Variants in GPAT4 observed in about 807,000 individuals in gnomAD.
GPAT4 encodes the protein 1-AGP acyltransferase 6.
Under a neutral mutation model 58.0 loss-of-function variants are expected in GPAT4, and 17 were observed. That is an observed-to-expected ratio of 0.29 (90% CI 0.20 to 0.44). GPAT4 has a LOEUF of 0.44. Among genes scored for constraint, GPAT4 ranks in the 20% least tolerant of loss-of-function variants. The pLI, the probability that GPAT4 is intolerant of heterozygous loss-of-function variation, is 1.00. For missense variants in GPAT4, 377 were observed against 574.5 expected (o/e 0.66, Z 3.51); for synonymous variants, 204 against 210.1 (o/e 0.97, Z 0.25).
intron 12 of GPAT4, 23 bp downstream of exon 12, chr8:41,619,000 T>C (rs1169491576): frequency 6.2e-7 from 1 of 1,613,528 alleles, no homozygotes; most frequent in East Asian, 2.2e-5. Flanking sequence ...CCAGGCCTTT[T>C]CAGCTGAGTT....
chr8:41,611,471 A>G (rs1368939724), intron 5 of GPAT4, among the ~76,000 whole-genome samples: 3 of 152,218 alleles, frequency 2.0e-5, no homozygotes, highest in South Asian at 2.1e-4. Context: ...AGTTTTTAAA[A>G]TGGTTTGAAA....
At position 41,624,833 on chromosome 8, in the gene GPAT4, G is replaced by A. The variant is rs1034378668; in HGVS notation, c.*3832G>A. ...CCTGGCGTGTGTTGCGGGGGTGATT[G>A]CGCTGGCTGCCGGGGGGTGGGCTTC... On this transcript the variant is annotated 3_prime_UTR_variant, in exon 13 of 13. Transcript: ENST00000396987. 1 of 152,166 alleles carries A rather than the reference G, an allele frequency of 6.6e-6. No homozygotes were observed. Among genetic ancestry groups the A allele is most frequent in the Admixed American group, 6.5e-5 (1 of 15,282 alleles). 9.4% of individuals were successfully genotyped at this position (152,166 alleles called of 1,614,324 possible).
intron 1 of GPAT4, among the ~76,000 whole-genome samples, chr8:41,597,740 G>C (rs892871001): frequency 6.6e-6 from 1 of 152,212 alleles, no homozygotes; most frequent in Non-Finnish European, 1.5e-5. Flanking sequence ...GCAGAGTGAA[G>C]GAGCTCTATG....
chr8:41,612,414 T>A, intron 7 of GPAT4, 141 bp downstream of exon 7: 1 of 813,294 alleles, frequency 1.2e-6, no homozygotes, highest in Non-Finnish European at 1.9e-6. Context: ...GGGGGCTCTG[T>A]GGGACTGTGA....
chr8:41,623,666 T>C lies in GPAT4; in HGVS notation c.*2665T>C, dbSNP rs886086824. On this transcript the variant is annotated 3_prime_UTR_variant, in exon 13 of 13. Transcript: ENST00000396987. ...GGAAGTCAGCTTTGAATCCATTGCT[T>C]CTCTAAAACATCAGGGCTAGTGGAA... is the stretch of plus-strand genomic sequence containing the variant. The C allele has an allele frequency of 2.6e-5, 4 of 152,208 alleles. No homozygotes were observed. Among genetic ancestry groups the C allele is most frequent in the Non-Finnish European group, 5.9e-5 (4 of 68,056 alleles). 9.4% of individuals were successfully genotyped at this position (152,208 alleles called of 1,614,324 possible). A position where few individuals can be genotyped will look rare whatever the true frequency, so the allele number is the denominator to read the frequency against.
intron 4 of GPAT4, chr8:41,610,183 T>G: frequency 7.3e-7 from 1 of 1,378,666 alleles, no homozygotes; most frequent in Non-Finnish European, 9.4e-7. Context: ...GACAGCTTGC[T>G]TCTCTAGATG....
At chr8:41,583,246 T>C (rs1802570185) in intron 1 of GPAT4, among the ~76,000 whole-genome samples, 1 of 151,762 alleles carries the variant, frequency 6.6e-6, no homozygotes, top group South Asian at 2.1e-4. Context: ...TATATATATA[T>C]GTACAAGAAA....
intron 1 of GPAT4, among the ~76,000 whole-genome samples, chr8:41,589,007 A>T (rs1490693617): frequency 6.6e-6 from 1 of 152,206 alleles, no homozygotes; most frequent in Non-Finnish European, 1.5e-5. Context: ...CCCAGCTCAC[A>T]TTCTTAAGGG....
At chr8:41,599,734 G>A (rs1280162454) in intron 2 of GPAT4, among the ~76,000 whole-genome samples, 1 of 152,176 alleles carries the variant, frequency 6.6e-6, no homozygotes, top group African/African-American at 2.4e-5. Context: ...ACAGAAAAGG[G>A]CATTTGAATT....
In GPAT4 at chr8:41,609,646, C is replaced by G. The variant is rs1315002359; in HGVS notation, c.236-9C>G. On this transcript the variant is annotated splice_polypyrimidine_tract_variant and intron_variant, in intron 3 of 12. Transcript: ENST00000396987. ...GCGTGCTGCTTGACAGGGACACATT[C>G]TTTTGCAGGAATCATTGCAAAGGAT... 6.2e-7 allele frequency: 1 copy of G among 1,609,612 alleles called. No individual in the cohort carries two copies. Among genetic ancestry groups the G allele is most frequent in the Admixed American group, 1.7e-5 (1 of 59,798 alleles).
At chr8:41,591,101 C>T (rs1029013239) in intron 1 of GPAT4, among the ~76,000 whole-genome samples, 1 of 152,008 alleles carries the variant, frequency 6.6e-6, no homozygotes, top group Non-Finnish European at 1.5e-5. Context: ...TAAGGGGTTC[C>T]ACGTGAGAGG....
At chr8:41,610,235 A>G (rs546338508) in intron 4 of GPAT4, 2 of 1,295,550 alleles carry the variant, frequency 1.5e-6, no homozygotes, top group Non-Finnish European at 9.8e-7. Flanking sequence ...GCTTTCTGCC[A>G]CTCCTTCCTG....
Position 41,623,513 on chromosome 8 carries a change from C to T in GPAT4, c.*2512C>T, listed in dbSNP as rs1021358630. The T allele has an allele frequency of 5.9e-5, 9 of 152,278 alleles. No individual in the cohort carries two copies. The highest frequency in any genetic ancestry group is 2.2e-4 in the African/African-American group (9 of 41,468). The allele number at this position is 152,278 out of a possible 1,614,324, so 9.4% of individuals were successfully genotyped here. ...CACCTTCACTTCTCTGCATCCGTCTCCTGAGTCATAACTAGGGACTTGGCT... is the reference window on the plus strand; with the variant it reads ...CACCTTCACTTCTCTGCATCCGTCTTCTGAGTCATAACTAGGGACTTGGCT... On this transcript the variant is annotated 3_prime_UTR_variant, in exon 13 of 13. Coordinates refer to ENST00000396987, the MANE Select transcript of GPAT4 (RefSeq NM_178819.4).
chr8:41,619,166 G>A, intron 12 of GPAT4, 189 bp downstream of exon 12: 1 of 669,402 alleles, frequency 1.5e-6, no homozygotes, highest in East Asian at 2.7e-5. Flanking sequence ...ACCTGGATCA[G>A]GGATGCCTGG....
intron 1 of GPAT4, among the ~76,000 whole-genome samples, chr8:41,581,370 C>T (rs1340731580): frequency 2.0e-5 from 3 of 152,186 alleles, no homozygotes; most frequent in Admixed American, 6.5e-5. Flanking sequence ...TGGATCCCAC[C>T]TCCAGTTAAT....
Position 41,621,108 on chromosome 8 carries a change from C to G in GPAT4, c.*107C>G, listed in dbSNP as rs1803736606. On this transcript the variant is annotated 3_prime_UTR_variant, in exon 13 of 13. Coordinates refer to ENST00000396987, the MANE Select transcript of GPAT4 (RefSeq NM_178819.4). ...GTGTCCTTTCCAGACTCCAGGGCTC[C>G]CCGGGCTGCTCTGGATCCCAGGACT... is the stretch of plus-strand genomic sequence containing the variant. The G allele has an allele frequency of 4.1e-6, 6 of 1,454,012 alleles. No individual in the cohort carries two copies. Among genetic ancestry groups the G allele is most frequent in the Non-Finnish European group, 4.6e-6 (5 of 1,082,404 alleles). 90.1% of individuals were successfully genotyped at this position (1,454,012 alleles called of 1,614,324 possible). A position where few individuals can be genotyped will look rare whatever the true frequency, so the allele number is the denominator to read the frequency against.
intron 1 of GPAT4, among the ~76,000 whole-genome samples, chr8:41,591,540 C>A (rs1802789284): frequency 6.6e-6 from 1 of 152,242 alleles, no homozygotes; most frequent in South Asian, 2.1e-4. Flanking sequence ...TCATATAGTA[C>A]ACTTATGCTG....
chr8:41,592,142 AG>A (rs1802806635), intron 1 of GPAT4, among the ~76,000 whole-genome samples: 1 of 152,218 alleles, frequency 6.6e-6, no homozygotes, highest in African/African-American at 2.4e-5. Flanking sequence ...AAGCATAGAC[AG>A]GGAAGCCCAG....
chr8:41,591,987 A>G (rs1171892214), intron 1 of GPAT4, among the ~76,000 whole-genome samples: 2 of 152,170 alleles, frequency 1.3e-5, no homozygotes, highest in African/African-American at 4.8e-5. Context: ...TAAACGTTTG[A>G]TTCGGTTGAG....
Sources: allele counts gnomAD v4.1 joint callset (sites outside exome capture counted in the v4.1 genomes callset), GRCh38; gene constraint gnomAD v4.1.1; transcripts MANE v1.5; gene names NCBI Gene and HGNC (gene_info 2026-07-23, HGNC 2026-07-21).